Variants in TNR observed in about 807,000 individuals in gnomAD.
The protein encoded by TNR is tenascin-R.
In TNR, 45 loss-of-function variants were observed where a neutral mutation model predicts 150.4. That is an observed-to-expected ratio of 0.30 (90% confidence interval 0.24 to 0.38). The LOEUF is 0.38. Ranked by LOEUF, TNR falls within the 10% of genes least tolerant of loss-of-function variation. The probability of loss-of-function intolerance (pLI) is 1.00; values close to 1 mark genes in which losing one functional copy is unlikely to be tolerated. For missense variants in TNR, 1,544 were observed against 1,759.1 expected (o/e 0.88, Z 2.19); for synonymous variants, 687 against 678.4 (o/e 1.01, Z -0.20).
chr1:175,727,891 G>A (rs1421201878), intron 1 of TNR, among the ~76,000 whole-genome samples: 1 of 152,178 alleles, frequency 6.6e-6, no homozygotes, highest in African/African-American at 2.4e-5. Flanking sequence ...ACTGTCTCTT[G>A]AGAAAGGAGA....
chr1:175,325,285 C>T (rs1309583430), intron 21 of TNR, among the ~76,000 whole-genome samples: 1 of 152,102 alleles, frequency 6.6e-6, no homozygotes, highest in East Asian at 1.9e-4. Flanking sequence ...CATCACTGGC[C>T]GTCAGAGAAA....
At chr1:175,495,829 T>C (rs1476422084) in intron 2 of TNR, among the ~76,000 whole-genome samples, 1 of 152,238 alleles carries the variant, frequency 6.6e-6, no homozygotes, top group Non-Finnish European at 1.5e-5. Flanking sequence ...GCATTTCACA[T>C]AGGCAGTCAC....
chr1:175,384,287 T>C (rs1005658076), intron 8 of TNR, among the ~76,000 whole-genome samples: 1 of 152,182 alleles, frequency 6.6e-6, no homozygotes, highest in Non-Finnish European at 1.5e-5. Flanking sequence ...GACCTAGAAT[T>C]AACCAAGAAG....
chr1:175,648,622 G>A (rs2101886666), intron 1 of TNR, among the ~76,000 whole-genome samples: 1 of 152,192 alleles, frequency 6.6e-6, no homozygotes, highest in African/African-American at 2.4e-5. Context: ...TCTCTCACTT[G>A]CCTGTTCGGC....
At chr1:175,499,001 C>A (rs1658610895) in intron 2 of TNR, among the ~76,000 whole-genome samples, 1 of 152,152 alleles carries the variant, frequency 6.6e-6, no homozygotes, top group South Asian at 2.1e-4. Context: ...AAAAGAAAAA[C>A]AACAAGAGAG....
intron 2 of TNR, among the ~76,000 whole-genome samples, chr1:175,449,649 G>A (rs567512719): frequency 6.8e-6 from 1 of 147,468 alleles, no homozygotes; most frequent in East Asian, 2.2e-4. Flanking sequence ...AAGCTACAAG[G>A]AAATACTGAG....
chr1:175,438,655 A>C (rs1191472630), intron 2 of TNR, among the ~76,000 whole-genome samples: 1 of 152,238 alleles, frequency 6.6e-6, no homozygotes, highest in East Asian at 1.9e-4. Context: ...AAATCTCCTT[A>C]AGCTGATAAG....
intron 2 of TNR, among the ~76,000 whole-genome samples, chr1:175,467,623 G>A (rs1657091030): frequency 6.6e-6 from 1 of 152,134 alleles, no homozygotes. Context: ...AGGCCACCTG[G>A]ACCCAGGGGC....
intron 1 of TNR, among the ~76,000 whole-genome samples, chr1:175,663,343 T>C (rs1285103677): frequency 6.6e-6 from 1 of 152,180 alleles, no homozygotes; most frequent in East Asian, 1.9e-4. Context: ...AGAAGAGAAC[T>C]GCACTTTAGG....
At chr1:175,701,021 C>T (rs1362571583) in intron 1 of TNR, among the ~76,000 whole-genome samples, 1 of 152,210 alleles carries the variant, frequency 6.6e-6, no homozygotes, top group African/African-American at 2.4e-5. Flanking sequence ...TTCCCTTTGC[C>T]TCTGCAATTC....
chr1:175,648,044 C>A (rs1163951143), intron 1 of TNR, among the ~76,000 whole-genome samples: 2 of 151,950 alleles, frequency 1.3e-5, no homozygotes, highest in Non-Finnish European at 2.9e-5. Flanking sequence ...TCCTTGAAGC[C>A]TTCTCTGATC....
intron 2 of TNR, among the ~76,000 whole-genome samples, chr1:175,438,425 CT>C (rs1388031038): frequency 2.6e-5 from 4 of 152,178 alleles, no homozygotes; most frequent in African/African-American, 7.2e-5. Flanking sequence ...CAATATCATA[CT>C]GAATGGACAA....
At chr1:175,427,357 CA>C (rs1452243217) in intron 2 of TNR, among the ~76,000 whole-genome samples, 2 of 151,822 alleles carry the variant, frequency 1.3e-5, no homozygotes, top group Non-Finnish European at 2.9e-5. Flanking sequence ...TTTCATATAG[CA>C]AAAAATTTTT....
intron 1 of TNR, among the ~76,000 whole-genome samples, chr1:175,607,386 T>C (rs1445393293): frequency 6.6e-6 from 1 of 152,166 alleles, no homozygotes; most frequent in Non-Finnish European, 1.5e-5. Flanking sequence ...AACATGCAAG[T>C]TTGTGACTAC....
chr1:175,458,554 G>T (rs144901333), intron 2 of TNR, among the ~76,000 whole-genome samples: 1 of 152,212 alleles, frequency 6.6e-6, no homozygotes, highest in Non-Finnish European at 1.5e-5. Context: ...TGGAGCTGGG[G>T]TCTAGAGTAA....
chr1:175,651,361 G>A (rs189287046), intron 1 of TNR, among the ~76,000 whole-genome samples: 160 of 152,152 alleles, frequency 1.1e-3, no homozygotes, highest in African/African-American at 3.7e-3. Context: ...ACCTTGAGGG[G>A]AGGGAAGGGA....
At chr1:175,553,582 C>G (rs370788716) in intron 1 of TNR, among the ~76,000 whole-genome samples, 3 of 152,096 alleles carry the variant, frequency 2.0e-5, no homozygotes, top group African/African-American at 7.2e-5. Context: ...CACTTCTTCC[C>G]TTGTTTCTAA....
intron 2 of TNR, among the ~76,000 whole-genome samples, chr1:175,464,101 A>G (rs1359923052): frequency 3.3e-5 from 5 of 152,260 alleles, no homozygotes; most frequent in Admixed American, 6.5e-5. Flanking sequence ...CTTTCCTCAC[A>G]GGATCTAAGC....
intron 1 of TNR, among the ~76,000 whole-genome samples, chr1:175,648,640 C>G (rs969849718): frequency 6.6e-6 from 1 of 152,188 alleles, no homozygotes; most frequent in Non-Finnish European, 1.5e-5. Context: ...GGCTTTCCTT[C>G]CCTGTCCAGA....
Sources: allele counts gnomAD v4.1 joint callset (sites outside exome capture counted in the v4.1 genomes callset), GRCh38; gene constraint gnomAD v4.1.1; transcripts MANE v1.5; gene names NCBI Gene and HGNC (gene_info 2026-07-23, HGNC 2026-07-21).